Variants in ZNF438 observed in about 807,000 individuals in gnomAD.
ZNF438 encodes the protein zinc finger protein 438.
ZNF438 carries 25 observed loss-of-function variants against 38.0 expected under a neutral mutation model. The observed-to-expected ratio is 0.66, with a 90% CI of 0.48 to 0.92. ZNF438 has a LOEUF of 0.92. Ranked by LOEUF, ZNF438 falls within the 40% of genes least tolerant of loss-of-function variation. The pLI is 0.00. For synonymous variants in ZNF438, 372 were observed against 364.1 expected, an observed-to-expected ratio of 1.02 and a Z score of -0.25; for missense variants, 1,007 against 999.6, an observed-to-expected ratio of 1.01 and a Z score of -0.10.
intron 4 of ZNF438, among the ~76,000 whole-genome samples, chr10:30,867,223 C>T (rs1368128190): frequency 1.3e-5 from 2 of 152,154 alleles, no homozygotes; most frequent in Admixed American, 1.3e-4. Flanking sequence ...TCACAACTGA[C>T]TGAATGCAGG....
At chr10:31,022,155 A>T (rs1210441180) in intron 1 of ZNF438, among the ~76,000 whole-genome samples, 1 of 152,238 alleles carries the variant, frequency 6.6e-6, no homozygotes. Flanking sequence ...CAGTGGCTGG[A>T]CCCAGAAGCT....
chr10:31,017,702 C>T (rs934771619), intron 1 of ZNF438, among the ~76,000 whole-genome samples: 1 of 152,212 alleles, frequency 6.6e-6, no homozygotes, highest in Non-Finnish European at 1.5e-5. Context: ...TGATTCACAT[C>T]AGGAGGATTA....
At chr10:30,944,641 C>T (rs1164191308) in intron 1 of ZNF438, among the ~76,000 whole-genome samples, 1 of 152,134 alleles carries the variant, frequency 6.6e-6, no homozygotes, top group Non-Finnish European at 1.5e-5. Context: ...GGAGTTGATA[C>T]CTCTAACAGA....
intron 1 of ZNF438, among the ~76,000 whole-genome samples, chr10:30,962,153 A>G (rs2049568606): frequency 6.8e-6 from 1 of 146,962 alleles, no homozygotes; most frequent in Non-Finnish European, 1.5e-5. Context: ...TCCTGCTTGT[A>G]CAGAGCAACA....
chr10:30,949,492 T>C (rs1411705492), intron 1 of ZNF438, among the ~76,000 whole-genome samples: 1 of 152,302 alleles, frequency 6.6e-6, no homozygotes, highest in Admixed American at 6.5e-5. Flanking sequence ...CAGTGTGCTG[T>C]ATTCAGGAAA....
At chr10:31,014,868 A>G (rs200325956) in intron 1 of ZNF438, among the ~76,000 whole-genome samples, 103,168 of 149,552 alleles carry the variant, frequency 0.69, 36,043 homozygotes, top group Non-Finnish European at 0.74. Context: ...GTGTATATAT[A>G]TATATATATA....
At chr10:30,974,811 CA>C (rs1203745404) in intron 1 of ZNF438, among the ~76,000 whole-genome samples, 3 of 152,216 alleles carry the variant, frequency 2.0e-5, no homozygotes, top group Non-Finnish European at 4.4e-5. Context: ...TCAGATTCCT[CA>C]TTTAATAAAT....
intron 1 of ZNF438, among the ~76,000 whole-genome samples, chr10:30,955,371 C>T (rs1434231948): frequency 6.6e-6 from 1 of 152,230 alleles, no homozygotes; most frequent in African/African-American, 2.4e-5. Flanking sequence ...CTCACTAAAA[C>T]TGGAAGAACT....
rs569040044 is a variant in ZNF438 at position 30,900,085 on chromosome 10, ACTACT to A, written c.-32+8843_-32+8847del. On this transcript the variant is annotated intron_variant, in intron 3 of 5. Transcript: ENST00000413025. ...TGTGGACCCTACCATCTGTGTCATA[ACTACT>A]CTATTCTACTAGTGTAGTAAGAAAA... Among the ~76,000 whole-genome samples the A allele has an allele frequency of 2.3e-3, 350 of 152,292 alleles. 1 individual carries two copies. Among genetic ancestry groups the A allele is most frequent in the African/African-American group, 7.9e-3 (328 of 41,562 alleles).
chr10:31,001,252 T>C (rs1200352260), intron 1 of ZNF438, among the ~76,000 whole-genome samples: 1 of 152,244 alleles, frequency 6.6e-6, no homozygotes, highest in Admixed American at 6.5e-5. Flanking sequence ...TATTTGACAT[T>C]ATTAAAAGCT....
At chr10:30,912,976 T>C (rs899414508) in intron 2 of ZNF438, among the ~76,000 whole-genome samples, 4 of 152,030 alleles carry the variant, frequency 2.6e-5, no homozygotes, top group African/African-American at 9.7e-5. Context: ...TAATACAACA[T>C]ATCTGTTGGG....
intron 1 of ZNF438, among the ~76,000 whole-genome samples, chr10:31,013,429 T>C (rs2055908113): frequency 1.3e-5 from 2 of 152,084 alleles, no homozygotes; most frequent in South Asian, 4.2e-4. Context: ...GGCTCTCTGA[T>C]GTCCCACAGA....
intron 2 of ZNF438, among the ~76,000 whole-genome samples, chr10:30,938,937 G>A (rs1589295988): frequency 6.6e-6 from 1 of 152,086 alleles, no homozygotes; most frequent in Non-Finnish European, 1.5e-5. Flanking sequence ...TGGGACTACA[G>A]GCATGCACCA....
intron 1 of ZNF438, among the ~76,000 whole-genome samples, chr10:31,023,614 T>C (rs1169274024): frequency 6.6e-6 from 1 of 152,240 alleles, no homozygotes; most frequent in Non-Finnish European, 1.5e-5. Context: ...AAAGTACGTA[T>C]TCTTCAACTT....
rs574639859 is a variant in ZNF438 at position 30,983,619 on chromosome 10, T to C, written c.-191-41968A>G. On this transcript the variant is annotated intron_variant, in intron 1 of 5. Coordinates refer to ENST00000413025, the Ensembl canonical transcript of ZNF438. Reference sequence around the variant, plus strand: ...ACACAAATCCAAAGCATATCACCAATGTTAAAAAAATAAAATTGCATACTT... The same window carrying C: ...ACACAAATCCAAAGCATATCACCAACGTTAAAAAAATAAAATTGCATACTT... 5.3e-5 allele frequency among the ~76,000 whole-genome samples: 8 copies of C among 152,288 alleles called. No individual in the cohort carries two copies. The South Asian group carries it at 1.0e-3, about 20-fold the overall frequency.
intron 3 of ZNF438, among the ~76,000 whole-genome samples, chr10:30,882,060 T>C (rs1448431212): frequency 6.6e-6 from 1 of 152,090 alleles, no homozygotes; most frequent in African/African-American, 2.4e-5. Flanking sequence ...CAAACTAATA[T>C]GCTAAACTTC....
chr10:30,850,390 AGAGTTACTGT>A, intron 4 of ZNF438, 23 bp from the exon 6 acceptor site: 1 of 1,597,972 alleles, frequency 6.3e-7, no homozygotes, highest in Non-Finnish European at 8.5e-7. Flanking sequence ...TAAAATATAA[AGAGTTACTGT>A]ATGTAACTGT....
intron 1 of ZNF438, among the ~76,000 whole-genome samples, chr10:30,970,143 C>CACACACAT (rs1240174578): frequency 2.1e-5 from 3 of 143,968 alleles, no homozygotes; most frequent in African/African-American, 7.9e-5. Context: ...CACACACACA[C>CACACACAT]ATATACACAC....
intron 1 of ZNF438, among the ~76,000 whole-genome samples, chr10:31,015,842 G>C (rs1056340055): frequency 3.9e-5 from 6 of 152,166 alleles, no homozygotes; most frequent in African/African-American, 1.4e-4. Flanking sequence ...CTAGCAGATG[G>C]CTGTACTCTT....
Sources: gnomAD v4.1 joint callset for allele counts (sites outside exome capture counted in the v4.1 genomes callset) on GRCh38, gnomAD v4.1.1 for gene constraint, MANE v1.5 for transcripts, NCBI Gene and HGNC (gene_info 2026-07-23, HGNC 2026-07-21) for gene names.